Variants in MYO5B observed in about 807,000 individuals in gnomAD.
MYO5B encodes unconventional myosin-Vb.
A neutral mutation model predicts 229.3 loss-of-function variants in MYO5B; 143 were observed. The ratio of observed to expected loss-of-function variants is 0.62; its 90% CI spans 0.54 to 0.72. The LOEUF (loss-of-function observed/expected upper bound fraction) is 0.72, where lower values mean the gene tolerates loss of function less well. Ranked by LOEUF, MYO5B falls within the 30% of genes least tolerant of loss-of-function variation. MYO5B has a pLI of 0.00. For missense variants in MYO5B, 2,321 were observed against 2,331.0 expected, an observed-to-expected ratio of 1.00 and a Z score of 0.09; for synonymous variants, 918 against 885.2, an observed-to-expected ratio of 1.04 and a Z score of -0.66.
At chr18:50,043,381 T>TA (rs1263159193) in intron 2 of MYO5B, among the ~76,000 whole-genome samples, 1 of 102,102 alleles carries the variant, frequency 9.8e-6, no homozygotes, top group African/African-American at 3.8e-5. Context: ...ATATATAATA[T>TA]ATTAAATATA....
rs1598902043 is a variant in MYO5B at position 49,945,091 on chromosome 18, C to A, written c.1753-7694G>T. Among the ~76,000 whole-genome samples the A allele has an allele frequency of 2.6e-5, 4 of 152,260 alleles. 1 individual carries two copies. Among genetic ancestry groups the A allele is most frequent in the Admixed American group, 6.5e-5 (1 of 15,294 alleles). The stretch of plus-strand genomic sequence containing the variant: ...TTCCTCTAATCTTCTCCCTGCCCGG[C>A]GCCCTTCCCAGAACCTCCCACGGGG... On this transcript the variant is annotated intron_variant, in intron 14 of 39. Transcript: ENST00000285039.
chr18:50,077,684 C>T (rs2031120994), intron 1 of MYO5B, among the ~76,000 whole-genome samples: 1 of 152,174 alleles, frequency 6.6e-6, no homozygotes, highest in African/African-American at 2.4e-5. Context: ...GAAGCTTTAT[C>T]TTAAAACAAC....
chr18:50,154,214 G>A (rs566791351), intron 1 of MYO5B, among the ~76,000 whole-genome samples: 1 of 152,284 alleles, frequency 6.6e-6, no homozygotes, highest in South Asian at 2.1e-4. Flanking sequence ...GTAAGGCAAG[G>A]AGGGACTTTC....
In MYO5B at chr18:49,966,612, T is replaced by G. The variant is rs117233100; in HGVS notation, c.1323-3582A>C. Among the ~76,000 whole-genome samples, 140 of 152,302 alleles carry G rather than the reference T, an allele frequency of 9.2e-4. 1 individual carries two copies. In the East Asian group the frequency reaches 0.022, roughly 24 times the overall value. On this transcript the variant is annotated intron_variant, in intron 10 of 39. Transcript: ENST00000285039. ...CCAGCAATTGGCCAGATAATAGCAA[T>G]TGGGTGTGCTGGCAGAGCTGTGCTA... is the stretch of plus-strand genomic sequence containing the variant.
chr18:50,178,678 TAC>T (rs1458132151), intron 1 of MYO5B, among the ~76,000 whole-genome samples: 4 of 152,216 alleles, frequency 2.6e-5, no homozygotes, highest in African/African-American at 9.6e-5. Context: ...GGGTATTATT[TAC>T]AGCTCCAGAC....
At chr18:50,022,037 A>C (rs1438911288) in intron 4 of MYO5B, among the ~76,000 whole-genome samples, 1 of 152,090 alleles carries the variant, frequency 6.6e-6, no homozygotes, top group East Asian at 1.9e-4. Context: ...CTTAGACATA[A>C]CAGGTTCCAG....
chr18:49,880,630 TAAAAC>T (rs1284738959), intron 22 of MYO5B, 175 bp from the exon 23 acceptor site: 6 of 650,210 alleles, frequency 9.2e-6, no homozygotes, highest in Non-Finnish European at 1.1e-5. Context: ...AAAATCCCAT[TAAAAC>T]AAGACAGATG....
intron 1 of MYO5B, among the ~76,000 whole-genome samples, chr18:50,187,488 C>G (rs2033164301): frequency 6.6e-6 from 1 of 151,344 alleles, no homozygotes; most frequent in Admixed American, 6.6e-5. Flanking sequence ...CAAAATCATT[C>G]TACAAAATTA....
intron 4 of MYO5B, among the ~76,000 whole-genome samples, chr18:50,035,490 C>T (rs1452190751): frequency 6.6e-6 from 1 of 152,196 alleles, no homozygotes; most frequent in Non-Finnish European, 1.5e-5. Context: ...GCACAGAATC[C>T]GTTCAGTCCC....
chr18:50,155,789 A>G (rs1269020795), intron 1 of MYO5B, among the ~76,000 whole-genome samples: 3 of 152,368 alleles, frequency 2.0e-5, no homozygotes, highest in Non-Finnish European at 2.9e-5. Flanking sequence ...TGAGCACTAA[A>G]AAGAATCTCA....
At chr18:49,907,081 G>C (rs1035486464) in intron 18 of MYO5B, among the ~76,000 whole-genome samples, 2 of 152,158 alleles carry the variant, frequency 1.3e-5, no homozygotes, top group Non-Finnish European at 2.9e-5. Flanking sequence ...AGTTCCAGGA[G>C]AAGGGCAGAG....
chr18:49,845,944 C>T (rs1018822445), intron 33 of MYO5B, among the ~76,000 whole-genome samples: 3 of 152,186 alleles, frequency 2.0e-5, no homozygotes, highest in African/African-American at 2.4e-5. Context: ...GGAGGGGTGG[C>T]GGGGGCTCCT....
At position 49,823,725 on chromosome 18, in the gene MYO5B, C is replaced by CT. The variant is rs1335050007; in HGVS notation, c.*2745dup. 6.6e-6 allele frequency: 1 copy of CT among 152,206 alleles called. No individual in the cohort carries two copies. The highest frequency in any genetic ancestry group is 1.5e-5 in the Non-Finnish European group (1 of 68,046). 9.4% of individuals were successfully genotyped at this position (152,206 alleles called of 1,614,324 possible). A position where few individuals can be genotyped will look rare whatever the true frequency, so the allele number is the denominator to read the frequency against. On this transcript the variant is annotated 3_prime_UTR_variant, in exon 40 of 40. Coordinates refer to ENST00000285039, the MANE Select transcript of MYO5B (RefSeq NM_001080467.3). Reference sequence around the variant, plus strand: ...AGGTGAGCCTACAGGTACTGGAACTCTAACTGCAACTATGAGGGCACAGGG... The same window carrying CT: ...AGGTGAGCCTACAGGTACTGGAACTCTTAACTGCAACTATGAGGGCACAGGG...
chr18:49,917,606 T>G (rs1321778787), intron 17 of MYO5B, among the ~76,000 whole-genome samples: 1 of 152,206 alleles, frequency 6.6e-6, no homozygotes, highest in Non-Finnish European at 1.5e-5. Context: ...GTGACTCTGG[T>G]TCACTGGCCA....
At chr18:50,194,477 G>C (rs1175861154) in intron 1 of MYO5B, among the ~76,000 whole-genome samples, 1 of 152,204 alleles carries the variant, frequency 6.6e-6, no homozygotes, top group Non-Finnish European at 1.5e-5. Flanking sequence ...CAACGAAAGT[G>C]AGGGGCGCGG....
chr18:49,906,765 G>T, intron 18 of MYO5B, 135 bp from the exon 19 acceptor site: 1 of 787,760 alleles, frequency 1.3e-6, no homozygotes, highest in South Asian at 1.7e-5. Flanking sequence ...TGGACACAAA[G>T]TCTCAGCATT....
intron 10 of MYO5B, among the ~76,000 whole-genome samples, chr18:49,965,981 T>C (rs1249663695): frequency 6.6e-6 from 1 of 152,168 alleles, no homozygotes; most frequent in Non-Finnish European, 1.5e-5. Flanking sequence ...GTGTCATACA[T>C]ACAAAGTGTC....
intron 10 of MYO5B, among the ~76,000 whole-genome samples, chr18:49,972,468 G>C (rs1380382576): frequency 6.6e-6 from 1 of 152,160 alleles, no homozygotes; most frequent in Non-Finnish European, 1.5e-5. Flanking sequence ...CTGAGGCATG[G>C]TATTTTATGT....
intron 14 of MYO5B, among the ~76,000 whole-genome samples, chr18:49,951,209 T>C (rs531138200): frequency 6.6e-6 from 1 of 152,290 alleles, no homozygotes; most frequent in African/African-American, 2.4e-5. Flanking sequence ...CGTCACCCCA[T>C]CCACCTCTCC....
Sources: gnomAD v4.1 joint callset for allele counts (sites outside exome capture counted in the v4.1 genomes callset) on GRCh38, gnomAD v4.1.1 for gene constraint, MANE v1.5 for transcripts, NCBI Gene and HGNC (gene_info 2026-07-23, HGNC 2026-07-21) for gene names.